PCDHGA8: variants seen among roughly 807,000 people sequenced by gnomAD.
PCDHGA8 encodes the protein protocadherin gamma-A8.
Under a neutral mutation model 59.2 loss-of-function variants are expected in PCDHGA8, and 45 were observed. The ratio of observed to expected loss-of-function variants is 0.76; its 90% CI spans 0.60 to 0.98. PCDHGA8 has a LOEUF of 0.98. Among genes scored for constraint, PCDHGA8 ranks in the 50% least tolerant of loss-of-function variants. The pLI is 0.00. For missense variants in PCDHGA8, 1,257 were observed against 1,196.2 expected, an observed-to-expected ratio of 1.05 and a Z score of -0.75; for synonymous variants, 531 against 519.0, an observed-to-expected ratio of 1.02 and a Z score of -0.32.
chr5:141,435,542 A>C (rs1402711516), intron 1 of PCDHGA8, among the ~76,000 whole-genome samples: 1 of 152,146 alleles, frequency 6.6e-6, no homozygotes, highest in Non-Finnish European at 1.5e-5. Flanking sequence ...GAATTAACAA[A>C]ATGTGTTTTG....
Position 141,431,897 on chromosome 5 carries a change from G to A in PCDHGA8, c.2424+36660G>A. On this transcript the variant is annotated intron_variant, in intron 1 of 3. Transcript: ENST00000398604. This position sits in a 1 kb window ranked among gnomAD's most constrained non-coding sequence, Gnocchi z 4.8. ...AAATGACCAAGATTCTGAGGAAAAC[G>A]GACAGGTGATCTGTTTCATCCAAGG... is the stretch of plus-strand genomic sequence containing the variant. 6 of 1,613,830 alleles carry A rather than the reference G, an allele frequency of 3.7e-6. No individual in the cohort carries two copies. The highest frequency in any genetic ancestry group is 5.1e-6 in the Non-Finnish European group (6 of 1,179,704).
chr5:141,427,820 G>A (rs2097075272), intron 1 of PCDHGA8: 2 of 1,532,144 alleles, frequency 1.3e-6, no homozygotes, highest in East Asian at 4.5e-5. Flanking sequence ...GCGGGGTGGT[G>A]GTCGCGCAGC....
At position 141,491,267 on chromosome 5, in the gene PCDHGA8, A is replaced by C. The variant is rs1376540913; in HGVS notation, c.2425-3540A>C. ...GATGAGGACCCTGAGGAAATGCCCA[A>C]ATCCAGTGACTTCCTCATACACCCT... On this transcript the variant is annotated intron_variant, in intron 1 of 3. Coordinates refer to ENST00000398604, the MANE Select transcript of PCDHGA8 (RefSeq NM_032088.2). This position sits in a 1 kb window ranked among gnomAD's most constrained non-coding sequence, Gnocchi z 6.9. The C allele has an allele frequency of 2.5e-6, 4 of 1,613,944 alleles. No individual in the cohort carries two copies. The highest frequency in any genetic ancestry group is 3.4e-6 in the Non-Finnish European group (4 of 1,179,936).
chr5:141,477,087 C>A lies in PCDHGA8; in HGVS notation c.2425-17720C>A, dbSNP rs748424193. 14 of 1,614,244 alleles carry A rather than the reference C, an allele frequency of 8.7e-6. No individual in the cohort carries two copies. Among genetic ancestry groups the A allele is most frequent in the Non-Finnish European group, 8.5e-7 (1 of 1,180,048 alleles). On this transcript the variant is annotated intron_variant, in intron 1 of 3. Transcript: ENST00000398604. This position sits in a 1 kb window ranked among gnomAD's most constrained non-coding sequence, Gnocchi z 4.9. ...AAACTCCATGAGATTTACATCCAGG[C>A]CAAAGACAAGGGCGCCAATCCCGAA...
intron 1 of PCDHGA8, chr5:141,413,829 C>T (rs923860929): frequency 1.1e-5 from 18 of 1,613,176 alleles, no homozygotes; most frequent in Non-Finnish European, 1.4e-5. Flanking sequence ...TCCTCACCGC[C>T]TCCGACGGGG....
chr5:141,421,254 C>T, intron 1 of PCDHGA8: 1 of 1,607,460 alleles, frequency 6.2e-7, no homozygotes, highest in East Asian at 2.2e-5. Flanking sequence ...AGCGCGGGGA[C>T]CGCAGTCGGC....
intron 1 of PCDHGA8, among the ~76,000 whole-genome samples, chr5:141,494,496 T>A (rs147870810): frequency 2.9e-3 from 442 of 152,264 alleles, no homozygotes; most frequent in Non-Finnish European, 4.9e-3. Flanking sequence ...ATGCCTTCAG[T>A]CCTTGAATTT....
intron 1 of PCDHGA8, chr5:141,404,212 C>T: frequency 3.7e-6 from 6 of 1,613,616 alleles, no homozygotes; most frequent in Non-Finnish European, 5.1e-6. Flanking sequence ...AATATAATAT[C>T]ACGGTGACTG....
At position 141,395,081 on chromosome 5, in the gene PCDHGA8, A is replaced by G. The variant is rs749375075; in HGVS notation, c.2268A>G (p.Glu756=). ...VQAFLQTYSQ[E]VSLTADSRKS... ...CTTTCCTGCAGACCTATTCCCAGGAAGTCTCCCTCACCGCCGACTCGCGGA... is the reference window on the plus strand; with the variant it reads ...CTTTCCTGCAGACCTATTCCCAGGAGGTCTCCCTCACCGCCGACTCGCGGA... The change falls in exon 1 of 4, where the codon GAA becomes GAG. Residue 756 remains glutamate, a synonymous_variant. Transcript: ENST00000398604. The G allele has an allele frequency of 1.9e-6, 3 of 1,614,156 alleles. No homozygotes were observed. Among genetic ancestry groups the G allele is most frequent in the South Asian group, 1.1e-5 (1 of 91,086 alleles).
intron 1 of PCDHGA8, chr5:141,478,551 G>A (rs759604162): frequency 6.2e-6 from 10 of 1,603,054 alleles, no homozygotes; most frequent in South Asian, 3.3e-5. Context: ...GGACAGGTAA[G>A]GTTTAGCAAG....
At position 141,419,770 on chromosome 5, in the gene PCDHGA8, G is replaced by A. The variant is rs1018272442; in HGVS notation, c.2424+24533G>A. On this transcript the variant is annotated intron_variant, in intron 1 of 3. Coordinates refer to ENST00000398604, the MANE Select transcript of PCDHGA8 (RefSeq NM_032088.2). ...TGCGTGCTTTGGGTGACAAGGACTC[G>A]GTCCGCCAGCGCCTGCTAGTCGCTG... 3.7e-6 allele frequency: 6 copies of A among 1,614,006 alleles called. No individual in the cohort carries two copies. The Admixed American group carries it at 6.7e-5, about 18-fold the overall frequency.
chr5:141,505,335 A>G, intron 2 of PCDHGA8, 58 bp from the exon 3 acceptor site: 1 of 1,611,086 alleles, frequency 6.2e-7, no homozygotes, highest in Non-Finnish European at 8.5e-7. Flanking sequence ...AGAGGACAGG[A>G]GGGGCATGAG....
Position 141,431,300 on chromosome 5 carries a change from A to G in PCDHGA8, c.2424+36063A>G, listed in dbSNP as rs200375087. 7.4e-6 allele frequency: 12 copies of G among 1,614,008 alleles called. No homozygotes were observed. Among genetic ancestry groups the G allele is most frequent in the Admixed American group, 1.7e-5 (1 of 60,010 alleles). ...CAGCCCGAACACTCACTTCTCCCTC[A>G]TCGTGCAAAATGGAGCCGACGGTAG... On this transcript the variant is annotated intron_variant, in intron 1 of 3. Coordinates refer to ENST00000398604, the MANE Select transcript of PCDHGA8 (RefSeq NM_032088.2). This position sits in a 1 kb window ranked among gnomAD's most constrained non-coding sequence, Gnocchi z 4.8.
chr5:141,456,700 C>G (rs1420857227), intron 1 of PCDHGA8, among the ~76,000 whole-genome samples: 2 of 152,060 alleles, frequency 1.3e-5, no homozygotes, highest in Admixed American at 1.3e-4. Flanking sequence ...CGTGGTGGCT[C>G]GCGCCTGTAA....
Position 141,476,374 on chromosome 5 carries a change from G to A in PCDHGA8, c.2425-18433G>A. 1.2e-6 allele frequency: 2 copies of A among 1,614,178 alleles called. No individual in the cohort carries two copies. Among genetic ancestry groups the A allele is most frequent in the Non-Finnish European group, 1.7e-6 (2 of 1,180,044 alleles). On this transcript the variant is annotated intron_variant, in intron 1 of 3. Transcript: ENST00000398604. This position sits in a 1 kb window ranked among gnomAD's most constrained non-coding sequence, Gnocchi z 7.6. ...AGGTGAACCGGGAGACCGGAGAGATGTTTGTGAACGACCGTCTGGATCGAG... is the reference window on the plus strand; with the variant it reads ...AGGTGAACCGGGAGACCGGAGAGATATTTGTGAACGACCGTCTGGATCGAG...
chr5:141,494,675 C>A, intron 1 of PCDHGA8, 132 bp from the exon 2 acceptor site: 2 of 1,548,574 alleles, frequency 1.3e-6, no homozygotes, highest in South Asian at 1.2e-5. Flanking sequence ...TGAGTCCACC[C>A]CTGCCCCCTC....
intron 2 of PCDHGA8, among the ~76,000 whole-genome samples, chr5:141,496,775 GCAGGGCC>G (rs1025427712): frequency 6.6e-6 from 1 of 152,038 alleles, no homozygotes; most frequent in Non-Finnish European, 1.5e-5. Flanking sequence ...TCTACTATGA[GCAGGGCC>G]CTGTGCTAAA....
At chr5:141,465,522 G>A (rs1416012695) in intron 1 of PCDHGA8, among the ~76,000 whole-genome samples, 1 of 152,112 alleles carries the variant, frequency 6.6e-6, no homozygotes, top group Non-Finnish European at 1.5e-5. Context: ...AGGATTCTGG[G>A]GAAGTTTTCC....
intron 1 of PCDHGA8, among the ~76,000 whole-genome samples, chr5:141,492,226 C>T (rs1365682179): frequency 6.6e-6 from 1 of 152,178 alleles, no homozygotes; most frequent in Non-Finnish European, 1.5e-5. Flanking sequence ...CATGCGTGTC[C>T]TCCCTGCTGG....
Sources: allele counts gnomAD v4.1 joint callset (sites outside exome capture counted in the v4.1 genomes callset), GRCh38; gene constraint gnomAD v4.1.1; non-coding constraint Gnocchi (gnomAD v3.1); transcripts MANE v1.5; gene names NCBI Gene and HGNC (gene_info 2026-07-23, HGNC 2026-07-21).